The following ANO1 variants were observed in gnomAD, a reference collection of about 807,000 sequenced individuals.
The protein encoded by ANO1 is anoctamin 1, also known as anoctamin-1.
A neutral mutation model predicts 124.0 loss-of-function variants in ANO1; 59 were observed. That is an observed-to-expected ratio of 0.48 (90% CI 0.39 to 0.59). The LOEUF (loss-of-function observed/expected upper bound fraction) is 0.59, where lower values mean the gene tolerates loss of function less well. Among genes scored for constraint, ANO1 ranks in the 20% least tolerant of loss-of-function variants. ANO1 has a pLI of 0.00. For synonymous variants in ANO1, 529 were observed against 532.0 expected (o/e 0.99, Z 0.08); for missense variants, 1,059 against 1,328.0 (o/e 0.80, Z 3.15).
chr11:69,976,015 G>A, the ANO1 span, among the ~76,000 whole-genome samples: 55 of 152,254 alleles, frequency 3.6e-4, no homozygotes, highest in Non-Finnish European at 6.3e-4. Context: ...GACCGTGCCC[G>A]CCTGTCCCCA....
At chr11:70,037,255 G>A (rs1857110359) in intron 1 of ANO1, among the ~76,000 whole-genome samples, 1 of 152,078 alleles carries the variant, frequency 6.6e-6, no homozygotes, top group Admixed American at 6.6e-5. Context: ...CAGGGACCTG[G>A]GCAATACTCA....
chr11:70,120,746 G>A (rs746127161), intron 8 of ANO1, among the ~76,000 whole-genome samples: 5 of 152,158 alleles, frequency 3.3e-5, no homozygotes, highest in African/African-American at 4.8e-5. Flanking sequence ...ACCAAGGGCC[G>A]GTGGCAGCCA....
intron 1 of ANO1, among the ~76,000 whole-genome samples, chr11:70,007,273 C>CTTTCTT (rs562203721): frequency 1.3e-4 from 17 of 134,700 alleles, no homozygotes; most frequent in Admixed American, 3.0e-4. Context: ...TCCTTTCTTT[C>CTTTCTT]TTTTTTTTTT....
chr11:70,134,218 C>G lies in ANO1; in HGVS notation c.1258+2139C>G, dbSNP rs181748185. 2.6e-3 allele frequency among the ~76,000 whole-genome samples: 393 copies of G among 152,334 alleles called. 2 individuals carry two copies. The highest frequency in any genetic ancestry group is 3.7e-3 in the Non-Finnish European group (249 of 68,026). On this transcript the variant is annotated intron_variant, in intron 11 of 25. Transcript: ENST00000355303. ...GCTTCCTCCACATGGTCGCCAGCAG[C>G]TCTGTTTCCTCATTTGGGACCCCTG...
chr11:70,108,310 T>C, intron 5 of ANO1, 43 bp from the exon 6 acceptor site: 1 of 1,586,442 alleles, frequency 6.3e-7, no homozygotes, highest in Non-Finnish European at 8.6e-7. Flanking sequence ...TCGTGGAAGG[T>C]GCCTTAAGTA....
rs117937772 is a variant in ANO1, at chr11:70,033,382, G to A, written c.59-45160G>A. On this transcript the variant is annotated intron_variant, in intron 1 of 27. Coordinates refer to the ANO1 transcript ENST00000531349. ...CCCGCTTTCATTCATGATTCACTTC[G>A]CCACTGAGTGCGTATCTGTTCCACT... Among the ~76,000 whole-genome samples, 1,335 of 152,232 alleles carry A rather than the reference G, an allele frequency of 8.8e-3. 8 individuals carry two copies. Among genetic ancestry groups the A allele is most frequent in the Non-Finnish European group, 0.012 (827 of 68,022 alleles).
At chr11:70,085,280 G>T in intron 1 of ANO1, 1 of 1,117,290 alleles carries the variant, frequency 9.0e-7, no homozygotes, top group Non-Finnish European at 1.2e-6. Flanking sequence ...CTGGGCATGG[G>T]AACCCACTGC....
chr11:70,048,984 C>T (rs369462532), intron 1 of ANO1, among the ~76,000 whole-genome samples: 26 of 152,180 alleles, frequency 1.7e-4, no homozygotes, highest in African/African-American at 6.0e-4. Context: ...ACTGGGCATA[C>T]GCTTCCCGGA....
At chr11:70,077,582 C>G (rs553938543), upstream of ANO1, among the ~76,000 whole-genome samples, 611 of 152,264 alleles carry the variant, frequency 4.0e-3, 4 homozygotes, top group Non-Finnish European at 5.3e-3. Context: ...CCATCCCCCC[C>G]GCTCCGCCCC....
chr11:70,067,753 CCGACCCCCTGCCCCGGCTTGGGCAGT>C, intron 1 of ANO1, among the ~76,000 whole-genome samples: 1 of 152,314 alleles, frequency 6.6e-6, no homozygotes, highest in Admixed American at 6.5e-5. Context: ...TCCAGACCTC[CCGACCCCCTGCCCCGGCTTGGGCAGT>C]CGACCCCTCC....
At chr11:70,022,753 C>T (rs1455207522) in intron 1 of ANO1, among the ~76,000 whole-genome samples, 4 of 152,128 alleles carry the variant, frequency 2.6e-5, no homozygotes, top group African/African-American at 9.7e-5. Flanking sequence ...TGTCCTGATC[C>T]CCAGAACCCG....
intron 11 of ANO1, among the ~76,000 whole-genome samples, chr11:70,146,093 G>A (rs2077561): frequency 0.21 from 31,219 of 151,946 alleles, 3,570 homozygotes; most frequent in Middle Eastern, 0.38. Context: ...GATTTGTGAC[G>A]CTACAGCTAT....
chr11:70,083,134 T>A (rs773871750), intron 1 of ANO1, among the ~76,000 whole-genome samples: 4 of 152,178 alleles, frequency 2.6e-5, no homozygotes, highest in Admixed American at 6.5e-5. Flanking sequence ...GCCACAAGAT[T>A]TTTTTTCCCC....
At chr11:70,165,302 C>A (rs2135731724) in intron 19 of ANO1, 168 bp from the exon 20 acceptor site, 1 of 629,140 alleles carries the variant, frequency 1.6e-6, no homozygotes, top group Non-Finnish European at 2.8e-6. Flanking sequence ...TTTGCAAAGA[C>A]CCTTTTTGCA....
chr11:70,157,916 G>T (rs1218872854), intron 16 of ANO1, among the ~76,000 whole-genome samples: 1 of 149,960 alleles, frequency 6.7e-6, no homozygotes. Context: ...AGAAGTCGAG[G>T]CTGCAGTGAG....
chr11:70,059,054 T>C (rs1318911680), intron 1 of ANO1, among the ~76,000 whole-genome samples: 2 of 147,914 alleles, frequency 1.4e-5, no homozygotes, highest in African/African-American at 2.5e-5. Flanking sequence ...TAGCTGGGCG[T>C]GGTGGCGGGC....
chr11:70,029,847 G>GCCTC (rs1237561643), intron 1 of ANO1, among the ~76,000 whole-genome samples: 12 of 152,176 alleles, frequency 7.9e-5, no homozygotes, highest in African/African-American at 2.9e-4. Flanking sequence ...CATCACTCCA[G>GCCTC]CCTCTTCCTC....
At chr11:69,995,389 G>C (rs1856249997) in intron 1 of ANO1, among the ~76,000 whole-genome samples, 1 of 152,124 alleles carries the variant, frequency 6.6e-6, no homozygotes, top group Non-Finnish European at 1.5e-5. Context: ...GAGCCACCAT[G>C]CCCGGCCACT....
At chr11:69,983,451 A>C (rs1299723125), upstream of ANO1, among the ~76,000 whole-genome samples, 1 of 152,176 alleles carries the variant, frequency 6.6e-6, no homozygotes, top group African/African-American at 2.4e-5. Flanking sequence ...CACCTCCCCG[A>C]GCCAGTGCAC....
Sources: allele counts gnomAD v4.1 joint callset (sites outside exome capture counted in the v4.1 genomes callset), GRCh38; gene constraint gnomAD v4.1.1; transcripts MANE v1.5; gene names NCBI Gene and HGNC (gene_info 2026-07-23, HGNC 2026-07-21).